The following SYT1 variants were observed in gnomAD, a reference collection of about 807,000 sequenced individuals.
SYT1 encodes synaptotagmin-1.
A neutral mutation model predicts 44.8 loss-of-function variants in SYT1; 8 were observed. The observed-to-expected ratio is 0.18, with a 90% CI of 0.10 to 0.32. SYT1 has a LOEUF of 0.32. Ranked by LOEUF, SYT1 falls within the 10% of genes least tolerant of loss-of-function variation. The probability of loss-of-function intolerance (pLI) is 1.00; values close to 1 mark genes in which losing one functional copy is unlikely to be tolerated. For synonymous variants in SYT1, 154 were observed against 188.8 expected (o/e 0.82, Z 1.51); for missense variants, 286 against 509.3 (o/e 0.56, Z 4.22).
chr12:78,942,402 A>G (rs940185858), intron 1 of SYT1, among the ~76,000 whole-genome samples: 1 of 152,116 alleles, frequency 6.6e-6, no homozygotes, highest in Non-Finnish European at 1.5e-5. Flanking sequence ...AATATGCCTA[A>G]CTTTTCAGAC....
chr12:79,444,733 A>G (rs1870611148), intron 10 of SYT1, among the ~76,000 whole-genome samples: 1 of 152,170 alleles, frequency 6.6e-6, no homozygotes, highest in Non-Finnish European at 1.5e-5. Flanking sequence ...ATGGATGGCT[A>G]TTTTATTAAA....
chr12:78,953,522 T>G (rs1879070287), intron 1 of SYT1, among the ~76,000 whole-genome samples: 1 of 152,118 alleles, frequency 6.6e-6, no homozygotes, highest in South Asian at 2.1e-4. Flanking sequence ...TCCTAAAGTC[T>G]TGCCCCGTTT....
intron 1 of SYT1, among the ~76,000 whole-genome samples, chr12:78,881,025 A>C (rs1405922929): frequency 6.6e-6 from 1 of 151,406 alleles, no homozygotes; most frequent in Non-Finnish European, 1.5e-5. Context: ...CTTTCTTCCA[A>C]CTCATCTTCC....
intron 5 of SYT1, among the ~76,000 whole-genome samples, chr12:79,288,961 AATTG>A (rs1237199726): frequency 6.6e-6 from 1 of 152,068 alleles, no homozygotes; most frequent in African/African-American, 2.4e-5. Flanking sequence ...GGCTGAACTA[AATTG>A]ATTTTTTTAA....
At chr12:79,173,943 T>C (rs1871704267) in intron 3 of SYT1, among the ~76,000 whole-genome samples, 2 of 152,044 alleles carry the variant, frequency 1.3e-5, no homozygotes, top group African/African-American at 4.8e-5. Context: ...TTACAATAGA[T>C]GTTGTGGAGT....
At chr12:79,165,573 A>T (rs1871180368) in intron 3 of SYT1, among the ~76,000 whole-genome samples, 1 of 152,024 alleles carries the variant, frequency 6.6e-6, no homozygotes, top group African/African-American at 2.4e-5. Context: ...ATTTATCTTG[A>T]TTGCAATGGA....
At chr12:78,871,611 A>G (rs1873824081) in intron 1 of SYT1, among the ~76,000 whole-genome samples, 2 of 151,974 alleles carry the variant, frequency 1.3e-5, no homozygotes, top group South Asian at 4.1e-4. Context: ...AAGTGCTATA[A>G]CAACTCATTA....
At chr12:79,075,648 A>C (rs1876590079) in intron 3 of SYT1, among the ~76,000 whole-genome samples, 1 of 152,134 alleles carries the variant, frequency 6.6e-6, no homozygotes, top group Non-Finnish European at 1.5e-5. Flanking sequence ...AATATCGGCT[A>C]TTTGATCTTG....
chr12:78,957,637 T>C (rs938635127), intron 1 of SYT1, among the ~76,000 whole-genome samples: 1 of 152,132 alleles, frequency 6.6e-6, no homozygotes, highest in East Asian at 1.9e-4. Flanking sequence ...AAGCTTATAT[T>C]CTTTGCATTT....
At chr12:79,100,581 A>G (rs1397299862) in intron 3 of SYT1, among the ~76,000 whole-genome samples, 5 of 152,162 alleles carry the variant, frequency 3.3e-5, no homozygotes, top group Non-Finnish European at 7.4e-5. Context: ...CTAAAAAGGT[A>G]TAAACCAAAA....
chr12:79,448,902 T>G lies in SYT1; in HGVS notation c.1063-16T>G. Reference sequence around the variant, plus strand: ...TAGAGCTAGATGATTCATATTCATTTCATGGCTTCTTTCAGAAAGTGCAGG... The same window carrying G: ...TAGAGCTAGATGATTCATATTCATTGCATGGCTTCTTTCAGAAAGTGCAGG... On this transcript the variant is annotated splice_polypyrimidine_tract_variant and intron_variant, in intron 10 of 10. Transcript: ENST00000261205. 6.2e-7 allele frequency: 1 copy of G among 1,613,510 alleles called. No homozygotes were observed. The highest frequency in any genetic ancestry group is 8.5e-7 in the Non-Finnish European group (1 of 1,179,522).
chr12:78,994,890 C>A (rs1419160218), intron 2 of SYT1, among the ~76,000 whole-genome samples: 3 of 152,088 alleles, frequency 2.0e-5, no homozygotes, highest in East Asian at 3.9e-4. Flanking sequence ...TGCAGAGTTT[C>A]TGTTTTTTGT....
chr12:79,388,379 T>C (rs1332399475), intron 9 of SYT1, among the ~76,000 whole-genome samples: 2 of 152,096 alleles, frequency 1.3e-5, no homozygotes, highest in Non-Finnish European at 2.9e-5. Context: ...TGAGGGACTA[T>C]GTGTTTGAAA....
intron 9 of SYT1, among the ~76,000 whole-genome samples, chr12:79,420,861 G>A (rs1869066410): frequency 6.6e-6 from 1 of 152,010 alleles, no homozygotes; most frequent in South Asian, 2.1e-4. Flanking sequence ...TGCCTTCTCA[G>A]TTACATTGTT....
chr12:79,060,087 A>C (rs1238152142), intron 3 of SYT1, among the ~76,000 whole-genome samples: 1 of 152,092 alleles, frequency 6.6e-6, no homozygotes, highest in Non-Finnish European at 1.5e-5. Context: ...TAGGCAGAGC[A>C]TCCTCCTATC....
chr12:79,292,219 T>C, intron 6 of SYT1, 89 bp downstream of exon 6: 1 of 1,469,748 alleles, frequency 6.8e-7, no homozygotes, highest in East Asian at 2.4e-5. Context: ...TAAAATATTT[T>C]GTTTGCTGTG....
At chr12:79,357,553 G>A (rs374127626) in intron 9 of SYT1, among the ~76,000 whole-genome samples, 20 of 152,136 alleles carry the variant, frequency 1.3e-4, no homozygotes, top group African/African-American at 4.8e-4. Context: ...TTGTATTTGT[G>A]TATCTAAACA....
rs767241259 is a variant in SYT1, at chr12:79,095,328, TC to T, written c.-18+47968del. On this transcript the variant is annotated intron_variant, in intron 3 of 10. Transcript: ENST00000261205. ...AGTTTTAAACTTTGGAGCCCAGAGA[TC>T]CAAAAACTTTTCTCATTTAAAAGGA... Among the ~76,000 whole-genome samples, 9 of 152,016 alleles carry T rather than the reference TC, an allele frequency of 5.9e-5. 1 individual carries two copies. The highest frequency in any genetic ancestry group is 3.9e-4 in the East Asian group (2 of 5,160).
At chr12:79,349,054 AAAGGAGGG>A (rs1565919993) in intron 8 of SYT1, among the ~76,000 whole-genome samples, 4 of 136,916 alleles carry the variant, frequency 2.9e-5, no homozygotes, top group African/African-American at 1.1e-4. Context: ...AGAAAGAAAG[AAAGGAGGG>A]AGGGAGGGAG....
Sources: gnomAD v4.1 joint callset for allele counts (sites outside exome capture counted in the v4.1 genomes callset) on GRCh38, gnomAD v4.1.1 for gene constraint, MANE v1.5 for transcripts, NCBI Gene and HGNC (gene_info 2026-07-23, HGNC 2026-07-21) for gene names.